RCAN1: variants seen among roughly 807,000 people sequenced by gnomAD.
The protein encoded by RCAN1 is regulator of calcineurin 1.
Under a neutral mutation model 22.9 loss-of-function variants are expected in RCAN1, and 11 were observed. The ratio of observed to expected loss-of-function variants is 0.48; its 90% CI spans 0.30 to 0.79. RCAN1 has a LOEUF of 0.79. Ranked by LOEUF, RCAN1 falls within the 30% of genes least tolerant of loss-of-function variation. The probability of loss-of-function intolerance (pLI) is 0.06; values close to 1 mark genes in which losing one functional copy is unlikely to be tolerated. For synonymous variants in RCAN1, 136 were observed against 142.3 expected (o/e 0.96, Z 0.32); for missense variants, 291 against 337.8 (o/e 0.86, Z 1.09).
rs529043797 is a variant in RCAN1 at position 34,533,074 on chromosome 21, C to T, written c.253-9364G>A. The stretch of plus-strand genomic sequence containing the variant: ...CTCCCGGGTTCACGCCATTCTCCTG[C>T]CTCAGCCTCCCGAGTAGCTGGGACT... On this transcript the variant is annotated intron_variant, in intron 1 of 3. Coordinates refer to ENST00000313806, the MANE Select transcript of RCAN1 (RefSeq NM_004414.7). 2.1e-3 allele frequency among the ~76,000 whole-genome samples: 319 copies of T among 151,544 alleles called. 2 individuals are homozygous for T. In the East Asian group the frequency reaches 0.029, roughly 14 times the overall value.
chr21:34,537,671 A>C (rs906426566), intron 1 of RCAN1, among the ~76,000 whole-genome samples: 1 of 152,230 alleles, frequency 6.6e-6, no homozygotes, highest in Non-Finnish European at 1.5e-5. Context: ...TTCATCAAAA[A>C]CAGATTAGTC....
intron 1 of RCAN1, among the ~76,000 whole-genome samples, chr21:34,574,918 T>C (rs1177803030): frequency 1.3e-5 from 2 of 152,244 alleles, no homozygotes; most frequent in African/African-American, 4.8e-5. Flanking sequence ...TTTCAGGTTT[T>C]AGCGTCAAAT....
At chr21:34,545,379 G>A (rs1356395567) in intron 1 of RCAN1, among the ~76,000 whole-genome samples, 1 of 152,174 alleles carries the variant, frequency 6.6e-6, no homozygotes, top group African/African-American at 2.4e-5. Context: ...GAGTGTGGGT[G>A]TCCACTGAAA....
chr21:34,552,464 C>G (rs952158407), intron 1 of RCAN1, among the ~76,000 whole-genome samples: 2 of 152,180 alleles, frequency 1.3e-5, no homozygotes, highest in South Asian at 4.1e-4. Flanking sequence ...CAACAATTCT[C>G]CATAGGAACC....
rs150453933 is a variant in RCAN1, at chr21:34,610,669, G to A, written c.252+4091C>T. ...GAATCACCTGGGGAGCTTTCCAGGC[G>A]ATTCCCAGCCCCAGAGATTGGAATG... On this transcript the variant is annotated intron_variant, in intron 1 of 3. Transcript: ENST00000313806. Among the ~76,000 whole-genome samples the A allele has an allele frequency of 7.2e-5, 11 of 152,294 alleles. No homozygotes were observed. In the East Asian group the frequency reaches 1.3e-3, roughly 19 times the overall value.
intron 1 of RCAN1, among the ~76,000 whole-genome samples, chr21:34,612,715 G>C (rs1988714702): frequency 6.6e-6 from 1 of 152,238 alleles, no homozygotes; most frequent in Non-Finnish European, 1.5e-5. Context: ...ACACCTTCAA[G>C]TCTACAGCTC....
chr21:34,596,980 G>T (rs147748110), intron 1 of RCAN1, among the ~76,000 whole-genome samples: 1 of 152,270 alleles, frequency 6.6e-6, no homozygotes, highest in African/African-American at 2.4e-5. Flanking sequence ...GAAGGGGTTG[G>T]ACAGTGACAC....
At chr21:34,597,539 A>G (rs910816689) in intron 1 of RCAN1, among the ~76,000 whole-genome samples, 2 of 152,190 alleles carry the variant, frequency 1.3e-5, no homozygotes, top group Admixed American at 6.5e-5. Flanking sequence ...TAATGAAAGA[A>G]AGCTAGATGT....
chr21:34,596,742 G>A (rs549684420), intron 1 of RCAN1, among the ~76,000 whole-genome samples: 1 of 152,274 alleles, frequency 6.6e-6, no homozygotes, highest in Non-Finnish European at 1.5e-5. Flanking sequence ...TTTCCACCTC[G>A]ACAAAGGGCC....
intron 1 of RCAN1, among the ~76,000 whole-genome samples, chr21:34,603,140 AGT>A (rs2123728095): frequency 6.6e-6 from 1 of 152,308 alleles, no homozygotes; most frequent in Admixed American, 6.5e-5. Context: ...CCCTTCTGAA[AGT>A]GCACTTTGCC....
chr21:34,557,903 C>A (rs766560948), intron 1 of RCAN1, among the ~76,000 whole-genome samples: 1 of 152,168 alleles, frequency 6.6e-6, no homozygotes, highest in Non-Finnish European at 1.5e-5. Flanking sequence ...CAGGTACTAT[C>A]ACTTTTTTAT....
chr21:34,592,668 A>T (rs76685544), intron 1 of RCAN1, among the ~76,000 whole-genome samples: 4,176 of 152,264 alleles, frequency 0.027, 164 homozygotes, highest in South Asian at 0.11. Flanking sequence ...GAATAAACCC[A>T]TGATGATTTA....
At chr21:34,589,378 T>G (rs1308653108) in intron 1 of RCAN1, among the ~76,000 whole-genome samples, 2 of 152,244 alleles carry the variant, frequency 1.3e-5, no homozygotes, top group African/African-American at 2.4e-5. Context: ...TAAACTCTGA[T>G]CTTACTACTA....
intron 1 of RCAN1, among the ~76,000 whole-genome samples, chr21:34,566,643 C>T (rs1353829064): frequency 6.6e-6 from 1 of 151,994 alleles, no homozygotes; most frequent in Non-Finnish European, 1.5e-5. Context: ...TGTGTTGGTC[C>T]CTGCTGTGTT....
At position 34,614,857 on chromosome 21, in the gene RCAN1, A is replaced by G. The variant is rs1162984228; in HGVS notation, c.155T>C (p.Ile52Thr). 4 of 1,472,154 alleles carry G rather than the reference A, an allele frequency of 2.7e-6. No individual in the cohort carries two copies. Among genetic ancestry groups the G allele is most frequent in the East Asian group, 6.0e-5 (2 of 33,150 alleles). 91.2% of individuals were successfully genotyped at this position (1,472,154 alleles called of 1,614,324 possible). A position where few individuals can be genotyped will look rare whatever the true frequency, so the allele number is the denominator to read the frequency against. The change falls in exon 1 of 4, where the codon ATT becomes ACT. Residue 52 changes from isoleucine to threonine, a missense_variant. By Grantham distance (89) the Ile-to-Thr change is moderately conservative. Coordinates refer to ENST00000313806, the MANE Select transcript of RCAN1 (RefSeq NM_004414.7). The surrounding 1 kb of genome is among the most constrained non-coding windows in gnomAD (Gnocchi z 6.0). ...ADEGGGDWSF[I>T]DCEMEEVDLQ... The stretch of plus-strand genomic sequence containing the variant: ...GTCCACCTCCTCCATCTCGCAGTCA[A>G]TGAAGCTCCAGTCGCCGCCGCCCTC...
At chr21:34,573,229 T>A (rs1410761804) in intron 1 of RCAN1, among the ~76,000 whole-genome samples, 1 of 152,192 alleles carries the variant, frequency 6.6e-6, no homozygotes, top group African/African-American at 2.4e-5. Flanking sequence ...GTTCCCAACA[T>A]CCTTTTTTTC....
chr21:34,598,926 A>G (rs558111742), intron 1 of RCAN1, among the ~76,000 whole-genome samples: 1 of 152,276 alleles, frequency 6.6e-6, no homozygotes, highest in South Asian at 2.1e-4. Flanking sequence ...AATTAAGGAA[A>G]AGCAAATTCA....
intron 1 of RCAN1, chr21:34,525,527 A>T (rs1178214618): frequency 3.1e-6 from 2 of 645,994 alleles, no homozygotes; most frequent in Non-Finnish European, 4.7e-6. Flanking sequence ...AGGCACTGTG[A>T]CCCACTGTTT....
chr21:34,613,714 C>A, intron 1 of RCAN1: 1 of 1,434,588 alleles, frequency 7.0e-7, no homozygotes, highest in Non-Finnish European at 9.3e-7. Flanking sequence ...TGGAAGCTTA[C>A]CTAAGCACAC....
Sources: gnomAD v4.1 joint callset for allele counts (sites outside exome capture counted in the v4.1 genomes callset) on GRCh38, gnomAD v4.1.1 for gene constraint, Gnocchi (gnomAD v3.1) non-coding constraint, MANE v1.5 for transcripts, NCBI Gene and HGNC (gene_info 2026-07-23, HGNC 2026-07-21) for gene names.